Variants in SLC24A2 observed in about 807,000 individuals in gnomAD.
SLC24A2 encodes sodium/potassium/calcium exchanger 2.
In SLC24A2, 36 loss-of-function variants were observed where a neutral mutation model predicts 62.0. The observed-to-expected ratio is 0.58, with a 90% CI of 0.44 to 0.77. The LOEUF is 0.77. Among genes scored for constraint, SLC24A2 ranks in the 30% least tolerant of loss-of-function variants. The pLI, the probability that SLC24A2 is intolerant of heterozygous loss-of-function variation, is 0.00. For synonymous variants in SLC24A2, 358 were observed against 294.0 expected (o/e 1.22, Z -2.23); for missense variants, 846 against 817.9 (o/e 1.03, Z -0.42).
At chr9:20,265,510 A>G in the SLC24A2 span, among the ~76,000 whole-genome samples, 11 of 152,308 alleles carry the variant, frequency 7.2e-5, no homozygotes, top group African/African-American at 2.2e-4. Context: ...CACTTCCCCA[A>G]TCAATACCCT....
At chr9:19,922,207 A>G in the SLC24A2 span, among the ~76,000 whole-genome samples, 4 of 152,208 alleles carry the variant, frequency 2.6e-5, no homozygotes, top group African/African-American at 7.2e-5. Context: ...CAAAAATTCC[A>G]TAAGCCATCT....
At chr9:20,292,582 T>A in the SLC24A2 span, among the ~76,000 whole-genome samples, 2 of 152,156 alleles carry the variant, frequency 1.3e-5, no homozygotes, top group Non-Finnish European at 2.9e-5. Flanking sequence ...GCAACAGAAA[T>A]TCGTTGTCTT....
At chr9:20,041,904 C>T in the SLC24A2 span, among the ~76,000 whole-genome samples, 1 of 152,250 alleles carries the variant, frequency 6.6e-6, no homozygotes, top group African/African-American at 2.4e-5. Context: ...AAGCACTTGA[C>T]AGGTAGGCTT....
the SLC24A2 span, among the ~76,000 whole-genome samples, chr9:19,944,748 C>G: frequency 2.0e-5 from 2 of 99,660 alleles, no homozygotes; most frequent in Non-Finnish European, 4.5e-5. Context: ...TGCCAAGAGG[C>G]TGGAGGTGAA....
At chr9:20,233,695 G>A in the SLC24A2 span, among the ~76,000 whole-genome samples, 5 of 152,178 alleles carry the variant, frequency 3.3e-5, no homozygotes, top group Admixed American at 6.5e-5. Flanking sequence ...GCCAGTCTGT[G>A]TCTTTTAATT....
the SLC24A2 span, among the ~76,000 whole-genome samples, chr9:20,269,155 G>A: frequency 1.3e-5 from 2 of 152,116 alleles, no homozygotes; most frequent in African/African-American, 2.4e-5. Flanking sequence ...CACCTAAGTT[G>A]GTGTGCAGGA....
chr9:20,173,308 A>G, the SLC24A2 span, among the ~76,000 whole-genome samples: 2 of 152,106 alleles, frequency 1.3e-5, no homozygotes, highest in East Asian at 1.9e-4. Context: ...TCTCTTCAAC[A>G]TAGTACTGGA....
chr9:19,622,208 C>T, intron 3 of SLC24A2, 53 bp downstream of exon 3: 1 of 1,525,650 alleles, frequency 6.6e-7, no homozygotes, highest in Non-Finnish European at 9.1e-7. Context: ...CACCCCTGCC[C>T]CACGCTCTCC....
chr9:20,261,727 C>A, the SLC24A2 span, among the ~76,000 whole-genome samples: 1 of 140,514 alleles, frequency 7.1e-6, no homozygotes, highest in Admixed American at 7.5e-5. Context: ...GTAGAAAACA[C>A]CAAATCTTTT....
the SLC24A2 span, among the ~76,000 whole-genome samples, chr9:20,295,464 T>G: frequency 6.6e-6 from 1 of 152,166 alleles, no homozygotes; most frequent in Non-Finnish European, 1.5e-5. Flanking sequence ...AAGGAATACC[T>G]AGAAACCTGG....
the SLC24A2 span, among the ~76,000 whole-genome samples, chr9:20,208,670 A>G: frequency 6.6e-6 from 1 of 152,226 alleles, no homozygotes; most frequent in Non-Finnish European, 1.5e-5. Flanking sequence ...ACCCATAAAT[A>G]AAGGAAAAAA....
At chr9:20,290,987 A>G in the SLC24A2 span, among the ~76,000 whole-genome samples, 1 of 152,174 alleles carries the variant, frequency 6.6e-6, no homozygotes, top group Non-Finnish European at 1.5e-5. Context: ...AAGGTACACA[A>G]CCTGGCAAGC....
At chr9:20,277,254 G>C in the SLC24A2 span, among the ~76,000 whole-genome samples, 1 of 152,146 alleles carries the variant, frequency 6.6e-6, no homozygotes. Flanking sequence ...ATTAAATAAA[G>C]AGCTTCTGCA....
At chr9:19,595,017 T>C (rs1298257919) in intron 5 of SLC24A2, among the ~76,000 whole-genome samples, 1 of 152,174 alleles carries the variant, frequency 6.6e-6, no homozygotes, top group African/African-American at 2.4e-5. Flanking sequence ...TTGAGAGGGA[T>C]TGCTATGTAT....
chr9:19,994,625 C>G, the SLC24A2 span, among the ~76,000 whole-genome samples: 1 of 152,170 alleles, frequency 6.6e-6, no homozygotes, highest in Non-Finnish European at 1.5e-5. Context: ...AGTTGGCATG[C>G]TATGAGGGAA....
At chr9:20,172,591 A>C in the SLC24A2 span, among the ~76,000 whole-genome samples, 1 of 152,114 alleles carries the variant, frequency 6.6e-6, no homozygotes, top group Non-Finnish European at 1.5e-5. Context: ...ATAAACTTGA[A>C]AACCTAGAGG....
At chr9:19,542,636 T>G (rs1834333652) in intron 8 of SLC24A2, among the ~76,000 whole-genome samples, 1 of 152,196 alleles carries the variant, frequency 6.6e-6, no homozygotes, top group South Asian at 2.1e-4. Flanking sequence ...TGAGAATTTT[T>G]TAGGATGAAG....
chr9:19,994,483 G>A, the SLC24A2 span, among the ~76,000 whole-genome samples: 4 of 152,096 alleles, frequency 2.6e-5, no homozygotes, highest in African/African-American at 4.8e-5. Context: ...GGCACCTGTG[G>A]GTCTAGCAGC....
the SLC24A2 span, among the ~76,000 whole-genome samples, chr9:20,100,082 A>C: frequency 6.6e-6 from 1 of 151,954 alleles, no homozygotes; most frequent in Non-Finnish European, 1.5e-5. Context: ...GCAGTGGTGC[A>C]ATTGACAGCC....
Sources: allele counts gnomAD v4.1 joint callset (sites outside exome capture counted in the v4.1 genomes callset), GRCh38; gene constraint gnomAD v4.1.1; transcripts MANE v1.5; gene names NCBI Gene and HGNC (gene_info 2026-07-23, HGNC 2026-07-21).